The following PITPNC1 variants were observed in gnomAD, a reference collection of about 807,000 sequenced individuals.
The protein encoded by PITPNC1 is cytoplasmic phosphatidylinositol transfer protein 1.
PITPNC1 carries 18 observed loss-of-function variants against 44.7 expected under a neutral mutation model. That is an observed-to-expected ratio of 0.40 (90% confidence interval 0.28 to 0.60). PITPNC1 has a LOEUF of 0.60. PITPNC1 is among the 20% of genes least tolerant of loss of function. The probability of loss-of-function intolerance (pLI) is 0.39; values close to 1 mark genes in which losing one functional copy is unlikely to be tolerated. For missense variants in PITPNC1, 290 were observed against 418.4 expected, an observed-to-expected ratio of 0.69 and a Z score of 2.68; for synonymous variants, 141 against 149.6, an observed-to-expected ratio of 0.94 and a Z score of 0.42.
At chr17:67,578,324 GCCCCT>G in intron 5 of PITPNC1, 67 bp downstream of exon 5, 6 of 1,064,452 alleles carry the variant, frequency 5.6e-6, no homozygotes, top group Non-Finnish European at 8.6e-6. Flanking sequence ...ACTTCTCACA[GCCCCT>G]CTGTGACCAG....
At chr17:67,521,340 T>G (rs2144107687) in intron 1 of PITPNC1, among the ~76,000 whole-genome samples, 1 of 152,284 alleles carries the variant, frequency 6.6e-6, no homozygotes, top group Non-Finnish European at 1.5e-5. Context: ...TTTATCAGTT[T>G]TTTCATTCCC....
intron 1 of PITPNC1, among the ~76,000 whole-genome samples, chr17:67,465,423 G>A (rs1284749437): frequency 3.9e-5 from 6 of 152,176 alleles, no homozygotes; most frequent in Non-Finnish European, 5.9e-5. Flanking sequence ...CCCATAAGCA[G>A]CTGCTTGAAA....
intron 1 of PITPNC1, among the ~76,000 whole-genome samples, chr17:67,411,666 G>A (rs1352316564): frequency 1.3e-5 from 2 of 152,040 alleles, no homozygotes; most frequent in Non-Finnish European, 2.9e-5. Context: ...TTGGTGTCAG[G>A]AACAAGGTAA....
At chr17:67,389,668 T>TG (rs541147962) in intron 1 of PITPNC1, among the ~76,000 whole-genome samples, 1 of 151,666 alleles carries the variant, frequency 6.6e-6, no homozygotes, top group East Asian at 1.9e-4. Flanking sequence ...TGTTTTTTGT[T>TG]TTGTTGTTGT....
intron 1 of PITPNC1, among the ~76,000 whole-genome samples, chr17:67,434,921 C>T (rs764464958): frequency 1.7e-4 from 26 of 151,614 alleles, no homozygotes; most frequent in Admixed American, 5.9e-4. Context: ...CCAGCCTGGC[C>T]AACATGGAGA....
At chr17:67,451,619 T>C (rs2039176896) in intron 1 of PITPNC1, among the ~76,000 whole-genome samples, 1 of 152,030 alleles carries the variant, frequency 6.6e-6, no homozygotes. Flanking sequence ...TGTAGTCCTT[T>C]GAGACTGACC....
chr17:67,396,668 C>A (rs2038224674), intron 1 of PITPNC1, among the ~76,000 whole-genome samples: 1 of 150,714 alleles, frequency 6.6e-6, no homozygotes, highest in Non-Finnish European at 1.5e-5. Context: ...CCACACCTGG[C>A]CTTATTTTTA....
chr17:67,415,548 C>A (rs773536814), intron 1 of PITPNC1, among the ~76,000 whole-genome samples: 7 of 152,192 alleles, frequency 4.6e-5, no homozygotes, highest in Non-Finnish European at 1.0e-4. Context: ...ATCAAACCAC[C>A]GTTCCCCAAA....
rs113337953 is a variant in PITPNC1 at position 67,561,532 on chromosome 17, G to A, written c.294+7915G>A. ...ATCAGTAAGATAATGTGAACTACAC[G>A]ATAGTGTGTATTTCTTTACTGTCTA... is the stretch of plus-strand genomic sequence containing the variant. On this transcript the variant is annotated intron_variant, in intron 4 of 8. Coordinates refer to ENST00000581322, the MANE Select transcript of PITPNC1 (RefSeq NM_012417.4). Among the ~76,000 whole-genome samples the A allele has an allele frequency of 6.6e-3, 1,005 of 151,774 alleles. 3 individuals are homozygous for A. The highest frequency in any genetic ancestry group is 0.013 in the African/African-American group (534 of 41,370).
intron 1 of PITPNC1, among the ~76,000 whole-genome samples, chr17:67,526,480 G>A (rs1050450018): frequency 6.6e-6 from 1 of 152,204 alleles, no homozygotes; most frequent in Non-Finnish European, 1.5e-5. Context: ...TATAATCCCA[G>A]CACTTTGGGA....
chr17:67,555,672 C>CAAAAAAA (rs67935513), intron 4 of PITPNC1, among the ~76,000 whole-genome samples: 1 of 78,136 alleles, frequency 1.3e-5, no homozygotes, highest in African/African-American at 3.9e-5. Flanking sequence ...ACTAAAAATA[C>CAAAAAAA]AAAAAAAAAA....
chr17:67,460,586 T>G (rs2039321323), intron 1 of PITPNC1, among the ~76,000 whole-genome samples: 1 of 151,694 alleles, frequency 6.6e-6, no homozygotes, highest in South Asian at 2.1e-4. Flanking sequence ...GGCTAATTTT[T>G]GTATTTTTAG....
chr17:67,382,151 C>T (rs1316458461), intron 1 of PITPNC1, among the ~76,000 whole-genome samples: 1 of 152,172 alleles, frequency 6.6e-6, no homozygotes, highest in African/African-American at 2.4e-5. Flanking sequence ...ATAAAGTCAG[C>T]ACTATCAAGT....
chr17:67,526,566 T>TA (rs1001231582), intron 1 of PITPNC1, among the ~76,000 whole-genome samples: 2 of 151,842 alleles, frequency 1.3e-5, no homozygotes, highest in South Asian at 2.1e-4. Context: ...CCGTTTCTAC[T>TA]AAAAAAATAA....
intron 1 of PITPNC1, among the ~76,000 whole-genome samples, chr17:67,388,134 C>A (rs1381081333): frequency 6.6e-6 from 1 of 152,114 alleles, no homozygotes; most frequent in African/African-American, 2.4e-5. Context: ...AAAATTTTTT[C>A]ACTTGTATAC....
At chr17:67,543,153 C>T (rs1001982723) in intron 2 of PITPNC1, among the ~76,000 whole-genome samples, 6 of 152,172 alleles carry the variant, frequency 3.9e-5, no homozygotes, top group African/African-American at 1.4e-4. Context: ...TAAGAGTGGG[C>T]AGAAATCAAC....
intron 4 of PITPNC1, among the ~76,000 whole-genome samples, chr17:67,570,174 T>C (rs2041033541): frequency 6.6e-6 from 1 of 152,198 alleles, no homozygotes; most frequent in African/African-American, 2.4e-5. Flanking sequence ...GTGCACCCTT[T>C]AGATCTAGGA....
intron 1 of PITPNC1, among the ~76,000 whole-genome samples, chr17:67,490,787 G>A (rs766950819): frequency 4.6e-5 from 7 of 152,174 alleles, no homozygotes; most frequent in African/African-American, 9.7e-5. Context: ...TGGGTCCAAT[G>A]GAGCTGAACG....
At chr17:67,656,189 C>T (rs139375636) in intron 6 of PITPNC1, among the ~76,000 whole-genome samples, 2 of 152,338 alleles carry the variant, frequency 1.3e-5, no homozygotes, top group South Asian at 2.1e-4. Flanking sequence ...TCTAACCTTG[C>T]TCTTCTGTCT....
Sources: gnomAD v4.1 joint callset for allele counts (sites outside exome capture counted in the v4.1 genomes callset) on GRCh38, gnomAD v4.1.1 for gene constraint, MANE v1.5 for transcripts, NCBI Gene and HGNC (gene_info 2026-07-23, HGNC 2026-07-21) for gene names.